TLE6: variants seen among roughly 807,000 people sequenced by gnomAD.
TLE6 encodes the protein transducin-like enhancer protein 6.
A neutral mutation model predicts 77.1 loss-of-function variants in TLE6; 72 were observed. The ratio of observed to expected loss-of-function variants is 0.93; its 90% confidence interval spans 0.77 to 1.14. The LOEUF is 1.14. TLE6 is among the 50% of genes most tolerant of loss of function. The probability of loss-of-function intolerance (pLI) is 0.00; values close to 1 mark genes in which losing one functional copy is unlikely to be tolerated. For missense variants in TLE6, 843 were observed against 747.6 expected, an observed-to-expected ratio of 1.13 and a Z score of -1.49; for synonymous variants, 366 against 287.3, an observed-to-expected ratio of 1.27 and a Z score of -2.77.
chr19:2,979,756 T>C (rs2088756672), intron 2 of TLE6, among the ~76,000 whole-genome samples: 2 of 129,630 alleles, frequency 1.5e-5, no homozygotes, highest in African/African-American at 3.0e-5. Flanking sequence ...CTGGCCAAGA[T>C]GGTGAAACCC....
rs1332770411 is a variant in TLE6, at chr19:2,994,911, G to A, written c.1626G>A (p.Met542Ile). The change falls in exon 17 of 17, where the codon ATG becomes ATA. Residue 542 changes from methionine (M) to isoleucine (I), a missense_variant. Coordinates refer to ENST00000246112, the MANE Select transcript of TLE6 (RefSeq NM_001143986.2). Reference sequence around the variant, plus strand: ...TGCCCCCCCTCCAGGTGCCTGAGATGTCTCCAGTCACGTGCTGTGACGTCT... The same window carrying A: ...TGCCCCCCCTCCAGGTGCCTGAGATATCTCCAGTCACGTGCTGTGACGTCT... ...AGTKVFEVPE[M>I]SPVTCCDVSS... The A allele has an allele frequency of 6.3e-7, 1 of 1,599,430 alleles. No homozygotes were observed. Among genetic ancestry groups the A allele is most frequent in the East Asian group, 2.2e-5 (1 of 44,614 alleles).
intron 14 of TLE6, among the ~76,000 whole-genome samples, chr19:2,992,903 T>G (rs947123881): frequency 2.7e-5 from 4 of 149,542 alleles, no homozygotes; most frequent in African/African-American, 9.9e-5. Flanking sequence ...AAATATTCTT[T>G]GCAGGCCGGG....
chr19:2,984,964 C>T (rs571366784), intron 5 of TLE6, among the ~76,000 whole-genome samples: 5 of 152,070 alleles, frequency 3.3e-5, no homozygotes, highest in South Asian at 4.2e-4. Flanking sequence ...TTAAATAAAA[C>T]ACCAGACTGG....
chr19:2,986,606 C>T (rs1302460645), intron 5 of TLE6, among the ~76,000 whole-genome samples: 1 of 151,772 alleles, frequency 6.6e-6, no homozygotes, highest in African/African-American at 2.4e-5. Context: ...CCCAGCTACT[C>T]AGGAGGCTGA....
In TLE6 at chr19:2,995,078, C is replaced by T; in HGVS notation, c.*74C>T. ...CCTTCCCCCCCCCCAACAAGGGGGA[C>T]ATGGTGGAGGGAAGCGGGAAGGCTC... On this transcript the variant is annotated 3_prime_UTR_variant, in exon 17 of 17. Coordinates refer to ENST00000246112, the MANE Select transcript of TLE6 (RefSeq NM_001143986.2). 1 of 947,686 alleles carries T rather than the reference C, an allele frequency of 1.1e-6. No homozygotes were observed. The highest frequency in any genetic ancestry group is 1.6e-5 in the African/African-American group (1 of 60,956). The allele number at this position is 947,686 out of a possible 1,614,324, so 58.7% of individuals were successfully genotyped here.
chr19:2,992,766 T>G (rs1599172184), intron 14 of TLE6, among the ~76,000 whole-genome samples: 4 of 91,600 alleles, frequency 4.4e-5, no homozygotes, highest in African/African-American at 4.4e-5. Context: ...GGTGACAGAG[T>G]GAGACCCTGT....
intron 15 of TLE6, 27 bp from the exon 16 acceptor site, chr19:2,993,992 G>C (rs780029191): frequency 6.7e-7 from 1 of 1,492,892 alleles, no homozygotes; most frequent in South Asian, 1.2e-5. Flanking sequence ...GTGGTTCTAA[G>C]TCTCGCTGAT....
At chr19:2,978,370 T>G in intron 2 of TLE6, 86 bp downstream of exon 2, 2 of 1,387,594 alleles carry the variant, frequency 1.4e-6, no homozygotes, top group Non-Finnish European at 2.0e-6. Flanking sequence ...TGACCTGGGC[T>G]GGCCCCGCCC....
intron 14 of TLE6, among the ~76,000 whole-genome samples, chr19:2,993,229 G>A (rs1204864687): frequency 6.6e-6 from 1 of 152,058 alleles, no homozygotes; most frequent in Non-Finnish European, 1.5e-5. Flanking sequence ...CACTCATGCT[G>A]TATCAGGTGC....
At chr19:2,987,855 G>A (rs1463394249) in intron 9 of TLE6, 43 bp from the exon 10 acceptor site, 1 of 1,613,662 alleles carries the variant, frequency 6.2e-7, no homozygotes, top group Non-Finnish European at 8.5e-7. Flanking sequence ...CCTGTGCTGA[G>A]GAGCCAATGC....
At chr19:2,980,470 T>TC (rs1468657636) in intron 3 of TLE6, 2 of 258,112 alleles carry the variant, frequency 7.7e-6, no homozygotes, top group Non-Finnish European at 1.5e-5. Flanking sequence ...GTATGGTGGC[T>TC]CGCACCTGTA....
chr19:2,991,980 C>T lies in TLE6; in HGVS notation c.1382C>T (p.Ser461Phe), dbSNP rs750014486. Reference protein sequence around the residue: ...IMKPLEYQFKSQIMSLSHSPQ... With the variant: ...IMKPLEYQFKFQIMSLSHSPQ... ...AAACCTCTGGAGTACCAATTCAAGTCTCAGGTGCGGAGGCCGGGATGGGGT... is the reference window on the plus strand; with the variant it reads ...AAACCTCTGGAGTACCAATTCAAGTTTCAGGTGCGGAGGCCGGGATGGGGT... The change falls in exon 14 of 17, where the codon TCT becomes TTT. Residue 461 changes from serine to phenylalanine, a missense_variant. Ser to Phe is a radical substitution (Grantham distance 155). Transcript: ENST00000246112. 2 of 1,613,554 alleles carry T rather than the reference C, an allele frequency of 1.2e-6. No individual in the cohort carries two copies. The highest frequency in any genetic ancestry group is 8.5e-7 in the Non-Finnish European group (1 of 1,179,872).
Position 2,991,879 on chromosome 19 carries a change from C to A in TLE6, c.1281C>A (p.Ile427=). 3.1e-6 allele frequency: 5 copies of A among 1,613,802 alleles called. No individual in the cohort carries two copies. The highest frequency in any genetic ancestry group is 4.2e-6 in the Non-Finnish European group (5 of 1,179,966). Residue 427 remains isoleucine (I), a synonymous_variant, in exon 14 of 17, where the codon ATC becomes ATA. Transcript: ENST00000246112. ...LKGYPDGVKS[I]VVKGYNIWTG... The stretch of plus-strand genomic sequence containing the variant: ...GTTATCCTGATGGAGTCAAGAGTAT[C>A]GTGGTCAAGGGCTACAACATCTGGA...
At chr19:2,987,821 C>G in intron 9 of TLE6, 31 bp downstream of exon 9, 1 of 1,614,050 alleles carries the variant, frequency 6.2e-7, no homozygotes, top group Non-Finnish European at 8.5e-7. Context: ...CCGACCGACT[C>G]CAGGCGGGAT....
intron 3 of TLE6, 86 bp downstream of exon 3, chr19:2,980,268 A>C (rs2088771381): frequency 8.3e-7 from 1 of 1,199,264 alleles, no homozygotes; most frequent in Non-Finnish European, 1.2e-6. Flanking sequence ...TGAGTGGTCT[A>C]GAGGCTGCTG....
At chr19:2,981,393 T>A in intron 3 of TLE6, 145 bp from the exon 4 acceptor site, 1 of 721,560 alleles carries the variant, frequency 1.4e-6, no homozygotes, top group Non-Finnish European at 2.3e-6. Context: ...CTTACTGAAC[T>A]TCTTGACACT....
chr19:2,985,427 A>G, intron 5 of TLE6, among the ~76,000 whole-genome samples: 1 of 105,308 alleles, frequency 9.5e-6, no homozygotes, highest in South Asian at 2.8e-4. Context: ...TTTTGAGACA[A>G]GTCTCGCTCT....
chr19:2,987,377 G>A lies in TLE6; in HGVS notation c.558+5G>A. 1.2e-6 allele frequency: 2 copies of A among 1,613,756 alleles called. No homozygotes were observed. Among genetic ancestry groups the A allele is most frequent in the Non-Finnish European group, 1.7e-6 (2 of 1,180,020 alleles). On this transcript the variant is annotated splice_donor_5th_base_variant and intron_variant, in intron 8 of 16. Coordinates refer to ENST00000246112, the MANE Select transcript of TLE6 (RefSeq NM_001143986.2). The stretch of plus-strand genomic sequence containing the variant: ...ACAGAGCAGGCACCAGGCCTGGTGA[G>A]TAAACAACCTCAGCTCTATCCAGAG...
In TLE6 at chr19:2,987,878, C is replaced by T. The variant is rs1568214160; in HGVS notation, c.626-20C>T. 1.9e-6 allele frequency: 3 copies of T among 1,611,766 alleles called. No individual in the cohort carries two copies. The highest frequency in any genetic ancestry group is 2.2e-5 in the East Asian group (1 of 44,812). ...GAGGAGCCAATGCAAGCCGCTTAGC[C>T]CCTCTTGTCTCCCCACTAGCCCCCA... is the stretch of plus-strand genomic sequence containing the variant. On this transcript the variant is annotated intron_variant, in intron 9 of 16. Coordinates refer to ENST00000246112, the MANE Select transcript of TLE6 (RefSeq NM_001143986.2).
Sources: allele counts gnomAD v4.1 joint callset (sites outside exome capture counted in the v4.1 genomes callset), GRCh38; gene constraint gnomAD v4.1.1; transcripts MANE v1.5; gene names NCBI Gene and HGNC (gene_info 2026-07-23, HGNC 2026-07-21).